The following SMPD3 variants were observed in gnomAD, a reference collection of about 807,000 sequenced individuals.
The protein encoded by SMPD3 is nSMase-2.
A neutral mutation model predicts 55.7 loss-of-function variants in SMPD3; 21 were observed. The observed-to-expected ratio is 0.38, with a 90% CI of 0.27 to 0.54. SMPD3 has a LOEUF of 0.54. Ranked by LOEUF, SMPD3 falls within the 20% of genes least tolerant of loss-of-function variation. SMPD3 has a pLI of 0.80. For synonymous variants in SMPD3, 457 were observed against 404.3 expected (o/e 1.13, Z -1.56); for missense variants, 842 against 899.6 (o/e 0.94, Z 0.82).
intron 2 of SMPD3, among the ~76,000 whole-genome samples, chr16:68,381,318 C>T (rs997704714): frequency 6.6e-6 from 1 of 152,198 alleles, no homozygotes; most frequent in Non-Finnish European, 1.5e-5. Context: ...GCCAGAACAC[C>T]CTCCCCTTTG....
intron 5 of SMPD3, among the ~76,000 whole-genome samples, chr16:68,364,111 G>T (rs186117061): frequency 6.6e-6 from 1 of 152,220 alleles, no homozygotes; most frequent in Admixed American, 6.5e-5. Context: ...TCTGAGGACA[G>T]TGACAGTGAC....
chr16:68,384,058 T>C (rs2090004623), intron 2 of SMPD3, among the ~76,000 whole-genome samples: 1 of 152,232 alleles, frequency 6.6e-6, no homozygotes, highest in African/African-American at 2.4e-5. Context: ...GGCCCTTCAG[T>C]AGTGCCTGCG....
Position 68,371,832 on chromosome 16 carries a change from C to A in SMPD3, c.350G>T (p.Gly117Val). Residue 117 changes from glycine (G) to valine (V), a missense_variant, in exon 3 of 9, where the codon GGC (glycine) becomes GTC (valine). By Grantham distance (109) the Gly-to-Val change is moderately radical (BLOSUM62 -3). Coordinates refer to ENST00000219334, the MANE Select transcript of SMPD3 (RefSeq NM_018667.4). ...GGAALLSEWK[G>V]TGPGKSFCFA... ...GCAGAAGCTTTTGCCAGGCCCCGTG[C>A]CCTTCCATTCACTGAGCAGGGCTGC... is the stretch of plus-strand genomic sequence containing the variant. 1 of 1,605,720 alleles carries A rather than the reference C, an allele frequency of 6.2e-7. No individual in the cohort carries two copies. The highest frequency in any genetic ancestry group is 8.5e-7 in the Non-Finnish European group (1 of 1,176,968).
chr16:68,416,294 G>A (rs889703388), intron 1 of SMPD3, among the ~76,000 whole-genome samples: 13 of 152,088 alleles, frequency 8.5e-5, no homozygotes, highest in African/African-American at 3.1e-4. Flanking sequence ...TCTAGGCCTC[G>A]CCCTCTTCCC....
rs1227964437 is a variant in SMPD3, at chr16:68,361,117, C to G, written c.*89G>C. 3.2e-6 allele frequency: 4 copies of G among 1,240,870 alleles called. No homozygotes were observed. The highest frequency in any genetic ancestry group is 4.6e-6 in the Non-Finnish European group (4 of 878,452). 76.9% of individuals were successfully genotyped at this position (1,240,870 alleles called of 1,614,324 possible). A position where few individuals can be genotyped will look rare whatever the true frequency, so the allele number is the denominator to read the frequency against. ...CCCTCCCTGTCCCTGCCCTCCTCCCCCAAGCACCGGGCACTCGATGGAGGG... is the reference window on the plus strand; with the variant it reads ...CCCTCCCTGTCCCTGCCCTCCTCCCGCAAGCACCGGGCACTCGATGGAGGG... On this transcript the variant is annotated 3_prime_UTR_variant, in exon 9 of 9. Transcript: ENST00000219334.
At chr16:68,437,957 A>C (rs2090536722) in intron 1 of SMPD3, among the ~76,000 whole-genome samples, 1 of 152,200 alleles carries the variant, frequency 6.6e-6, no homozygotes, top group Non-Finnish European at 1.5e-5. Context: ...CTCCTTTTGT[A>C]AAACAAGCTG....
intron 1 of SMPD3, among the ~76,000 whole-genome samples, chr16:68,398,800 A>G (rs1018960865): frequency 2.0e-5 from 3 of 152,200 alleles, no homozygotes; most frequent in Admixed American, 6.5e-5. Context: ...CCTATGTGAA[A>G]TGCCATTCCA....
chr16:68,371,026 G>T lies in SMPD3; in HGVS notation c.1156C>A (p.Leu386Met). Residue 386 changes from leucine to methionine, a missense_variant, in exon 3 of 9, where the codon CTG becomes ATG. This residue lies in a region of SMPD3 where 649 missense variants were observed against 643.6 expected (regional missense o/e 1.01). Coordinates refer to ENST00000219334, the MANE Select transcript of SMPD3 (RefSeq NM_018667.4). Reference sequence around the variant, plus strand: ...CAGCCGTAGACCCCGACGTCGTACAGGATGTACTCGAAGTAGCCGTGCAGC... The same window carrying T: ...CAGCCGTAGACCCCGACGTCGTACATGATGTACTCGAAGTAGCCGTGCAGC... ...EQLHGYFEYILYDVGVYGCQG... is the reference protein window; with the variant it reads ...EQLHGYFEYIMYDVGVYGCQG... 3 of 1,614,200 alleles carry T rather than the reference G, an allele frequency of 1.9e-6. No individual in the cohort carries two copies. Among genetic ancestry groups the T allele is most frequent in the Non-Finnish European group, 2.5e-6 (3 of 1,180,032 alleles).
intron 1 of SMPD3, among the ~76,000 whole-genome samples, chr16:68,389,579 G>A (rs897595733): frequency 5.9e-5 from 9 of 152,220 alleles, no homozygotes; most frequent in African/African-American, 2.2e-4. Flanking sequence ...CTAGGAGGTT[G>A]ATTTATTTAC....
At chr16:68,377,856 A>G (rs951606082) in intron 2 of SMPD3, among the ~76,000 whole-genome samples, 1 of 152,204 alleles carries the variant, frequency 6.6e-6, no homozygotes, top group Non-Finnish European at 1.5e-5. Flanking sequence ...GGTGGTGGGA[A>G]AGTGAACAAG....
At chr16:68,382,074 A>G (rs910784782) in intron 2 of SMPD3, 6 of 152,266 alleles carry the variant, frequency 3.9e-5, no homozygotes, top group African/African-American at 1.2e-4. Context: ...ACCATGAAGC[A>G]TCAGGGGAGC....
chr16:68,448,056 C>T (rs912061150), intron 1 of SMPD3, among the ~76,000 whole-genome samples: 10 of 152,290 alleles, frequency 6.6e-5, no homozygotes, highest in South Asian at 4.1e-4. Context: ...GCCCCGTCGC[C>T]AGGCACAGCG....
intron 1 of SMPD3, among the ~76,000 whole-genome samples, chr16:68,393,836 GA>G (rs2090133150): frequency 6.6e-6 from 1 of 152,128 alleles, no homozygotes; most frequent in Non-Finnish European, 1.5e-5. Flanking sequence ...ATTTTTAGAA[GA>G]CTTTGCTTTC....
At chr16:68,372,512 CCAGGCTGGAGCTGG>C in intron 2 of SMPD3, 125 bp from the exon 3 acceptor site, 1 of 411,534 alleles carries the variant, frequency 2.4e-6, no homozygotes, top group East Asian at 5.1e-5. Context: ...GTTCTGAGAA[CCAGGCTGGAGCTGG>C]CAGGCTCAGC....
intron 7 of SMPD3, among the ~76,000 whole-genome samples, chr16:68,362,093 G>A (rs1468949881): frequency 1.3e-5 from 2 of 152,204 alleles, no homozygotes; most frequent in Admixed American, 6.5e-5. Context: ...GCCAACAGGG[G>A]CCTGTTTTGA....
Position 68,363,372 on chromosome 16 carries a change from G to A in SMPD3, c.1709+124C>T, listed in dbSNP as rs371881269. The A allele has an allele frequency of 7.5e-3, 8,016 of 1,071,788 alleles. 75 individuals carry two copies. Among genetic ancestry groups the A allele is most frequent in the Middle Eastern group, 0.018 (65 of 3,654 alleles). 66.4% of individuals were successfully genotyped at this position (1,071,788 alleles called of 1,614,324 possible). On this transcript the variant is annotated intron_variant, in intron 7 of 8. Coordinates refer to ENST00000219334, the MANE Select transcript of SMPD3 (RefSeq NM_018667.4). ...GCTCTCAAAGGTGAGATGAGGGACA[G>A]GTTTCTGCCAAATAAAAGCCCTCAT...
At chr16:68,373,174 C>T (rs2089718932) in intron 2 of SMPD3, among the ~76,000 whole-genome samples, 1 of 152,236 alleles carries the variant, frequency 6.6e-6, no homozygotes, top group Non-Finnish European at 1.5e-5. Flanking sequence ...CTGGCCCAAG[C>T]TTTAACCGCT....
chr16:68,373,844 C>T (rs889278620), intron 2 of SMPD3, among the ~76,000 whole-genome samples: 4 of 152,160 alleles, frequency 2.6e-5, no homozygotes, highest in Admixed American at 6.5e-5. Flanking sequence ...GCAGCCCCCT[C>T]CCCTGGACGC....
chr16:68,365,102 G>A lies in SMPD3; in HGVS notation c.1324-10C>T, dbSNP rs1387036548. 6.2e-7 allele frequency: 1 copy of A among 1,613,688 alleles called. No individual in the cohort carries two copies. The highest frequency in any genetic ancestry group is 8.5e-7 in the Non-Finnish European group (1 of 1,179,940). ...TGCTTCCCACCTGCACCTGGGGGAGGAGGGGGTCAGTGCTGCCACCTGCCA... is the reference window on the plus strand; with the variant it reads ...TGCTTCCCACCTGCACCTGGGGGAGAAGGGGGTCAGTGCTGCCACCTGCCA... On this transcript the variant is annotated splice_polypyrimidine_tract_variant and intron_variant, in intron 3 of 8. Coordinates refer to ENST00000219334, the MANE Select transcript of SMPD3 (RefSeq NM_018667.4).
Sources: allele counts gnomAD v4.1 joint callset (sites outside exome capture counted in the v4.1 genomes callset), GRCh38; gene constraint gnomAD v4.1.1; regional missense constraint gnomAD v4.1.1; transcripts MANE v1.5; gene names NCBI Gene and HGNC (gene_info 2026-07-23, HGNC 2026-07-21).